The following ORMDL1 variants were observed in gnomAD, a reference collection of about 807,000 sequenced individuals.
The protein encoded by ORMDL1 is ORM1-like protein 1.
ORMDL1 carries 10 observed loss-of-function variants against 13.0 expected under a neutral mutation model. The observed-to-expected ratio is 0.77, with a 90% CI of 0.47 to 1.30. The LOEUF (loss-of-function observed/expected upper bound fraction) is 1.30, where lower values mean the gene tolerates loss of function less well. Among genes scored for constraint, ORMDL1 ranks in the 50% most tolerant of loss-of-function variants. The pLI is 0.00. For synonymous variants in ORMDL1, 61 were observed against 63.9 expected, an observed-to-expected ratio of 0.95 and a Z score of 0.22; for missense variants, 171 against 186.7, an observed-to-expected ratio of 0.92 and a Z score of 0.49.
chr2:189,776,922 A>G (rs961696663), intron 3 of ORMDL1, among the ~76,000 whole-genome samples: 7 of 152,192 alleles, frequency 4.6e-5, no homozygotes, highest in African/African-American at 1.4e-4. Flanking sequence ...ATAAACAGCT[A>G]GAAAGTAGGG....
At chr2:189,769,519 T>C (rs961790772), downstream of ORMDL1, among the ~76,000 whole-genome samples, 1 of 152,152 alleles carries the variant, frequency 6.6e-6, no homozygotes, top group African/African-American at 2.4e-5. Flanking sequence ...ATTATGCCTC[T>C]TAGGATCTTT....
Position 189,771,647 on chromosome 2 carries a change from G to A in ORMDL1, c.*120C>T. ...AACAGCACTTGAAGGACCAGCCATT[G>A]GCCCTCCAATGTAAATACTTCTCAT... On this transcript the variant is annotated 3_prime_UTR_variant, in exon 5 of 5. Coordinates refer to ENST00000392349, the MANE Select transcript of ORMDL1 (RefSeq NM_016467.5). The A allele has an allele frequency of 1.2e-6, 1 of 860,980 alleles. No individual in the cohort carries two copies. The highest frequency in any genetic ancestry group is 2.2e-5 in the South Asian group (1 of 46,078). The allele number at this position is 860,980 out of a possible 1,614,324, so 53.3% of individuals were successfully genotyped here.
At chr2:189,775,453 C>T in intron 4 of ORMDL1, 112 bp downstream of exon 4, 2 of 1,183,346 alleles carry the variant, frequency 1.7e-6, no homozygotes, top group Non-Finnish European at 2.3e-6. Flanking sequence ...CGAGGTGCTA[C>T]TTATTGATAG....
downstream of ORMDL1, among the ~76,000 whole-genome samples, chr2:189,767,106 T>G (rs1404762564): frequency 2.0e-5 from 3 of 152,244 alleles, no homozygotes; most frequent in East Asian, 5.8e-4. Context: ...CTTTTACTTC[T>G]TTTGGGTATA....
At position 189,778,394 on chromosome 2, in the gene ORMDL1, C is replaced by CA. The variant is rs748949890; in HGVS notation, c.175-2679dup. 1.0e-4 allele frequency: 44 copies of CA among 440,490 alleles called. No individual in the cohort carries two copies. The East Asian group carries it at 1.0e-3, about 10-fold the overall frequency. 27.3% of individuals were successfully genotyped at this position (440,490 alleles called of 1,614,324 possible). A position where few individuals can be genotyped will look rare whatever the true frequency, so the allele number is the denominator to read the frequency against. ...TGGGTGACAGAGTGAAACTCCGTCT[C>CA]AAAAAAAAAGGACTAACTTATTCGG... On this transcript the variant is annotated intron_variant, in intron 3 of 4. Coordinates refer to ENST00000392349, the MANE Select transcript of ORMDL1 (RefSeq NM_016467.5).
intron 4 of ORMDL1, among the ~76,000 whole-genome samples, chr2:189,772,916 T>C (rs1402158139): frequency 1.3e-5 from 2 of 152,208 alleles, no homozygotes; most frequent in Non-Finnish European, 2.9e-5. Context: ...TCTACAATCT[T>C]CCACCTATTT....
At chr2:189,765,734 T>C (rs1387599636), downstream of ORMDL1, among the ~76,000 whole-genome samples, 4 of 152,148 alleles carry the variant, frequency 2.6e-5, no homozygotes, top group Non-Finnish European at 5.9e-5. Flanking sequence ...GTGCTTTTAA[T>C]GGCTAGTATT....
At chr2:189,765,838 C>CCT (rs2047473522), downstream of ORMDL1, among the ~76,000 whole-genome samples, 1 of 121,510 alleles carries the variant, frequency 8.2e-6, no homozygotes. Context: ...TTACTTTCTC[C>CCT]ATTTTTTTTT....
intron 3 of ORMDL1, among the ~76,000 whole-genome samples, chr2:189,777,868 A>G (rs1229398800): frequency 6.6e-6 from 1 of 152,084 alleles, no homozygotes; most frequent in East Asian, 1.9e-4. Context: ...AATTAGGTCC[A>G]TTTTCTCATT....
Position 189,782,630 on chromosome 2 carries a change from A to G in ORMDL1, c.-7-28T>C, listed in dbSNP as rs1376772997. ...GTAGGAAGTAATGAAATGAATCAAC[A>G]CTGATACAACTGGCAACCTAACACC... On this transcript the variant is annotated intron_variant, in intron 2 of 4. Transcript: ENST00000392349. 1.9e-6 allele frequency: 3 copies of G among 1,587,712 alleles called. No individual in the cohort carries two copies. In the Admixed American group the frequency reaches 5.1e-5, roughly 27 times the overall value.
At chr2:189,766,697 C>G (rs2047488141), downstream of ORMDL1, among the ~76,000 whole-genome samples, 2 of 151,066 alleles carry the variant, frequency 1.3e-5, no homozygotes, top group South Asian at 4.2e-4. Flanking sequence ...GCACTCCAGC[C>G]TAGGCAACAG....
chr2:189,769,970 GA>G (rs924492796), downstream of ORMDL1, among the ~76,000 whole-genome samples: 1 of 152,106 alleles, frequency 6.6e-6, no homozygotes, highest in Non-Finnish European at 1.5e-5. Flanking sequence ...GTCATTTTTA[GA>G]TTTTGTTTTA....
downstream of ORMDL1, among the ~76,000 whole-genome samples, chr2:189,768,378 T>C (rs1029069834): frequency 1.3e-5 from 2 of 152,224 alleles, no homozygotes; most frequent in Admixed American, 6.5e-5. Flanking sequence ...GGTTACTCCA[T>C]TTGTGTTCTT....
At chr2:189,764,786 A>G in the ORMDL1 span, 1 of 152,034 alleles carries the variant, frequency 6.6e-6, no homozygotes, top group Non-Finnish European at 1.5e-5. Context: ...TGTAGCCTTC[A>G]GAGGAAAATT....
At chr2:189,781,313 T>A (rs1160451034) in intron 3 of ORMDL1, among the ~76,000 whole-genome samples, 1 of 152,234 alleles carries the variant, frequency 6.6e-6, no homozygotes, top group Admixed American at 6.5e-5. Context: ...TCAACAAATG[T>A]ACTGCTAAAC....
In ORMDL1 at chr2:189,772,368, A is replaced by C. The variant is rs535255024; in HGVS notation, c.327-466T>G. Among the ~76,000 whole-genome samples, 9 of 152,330 alleles carry C rather than the reference A, an allele frequency of 5.9e-5. No homozygotes were observed. In the East Asian group the frequency reaches 1.3e-3, roughly 23 times the overall value. On this transcript the variant is annotated intron_variant, in intron 4 of 4. Transcript: ENST00000392349. ...GCATTAGTACAATTCCTATCTTTGAAGGAAATAAATATTTGGTTGCCCTTT... is the reference window on the plus strand; with the variant it reads ...GCATTAGTACAATTCCTATCTTTGACGGAAATAAATATTTGGTTGCCCTTT...
chr2:189,764,830 T>C, the ORMDL1 span: 1 of 151,928 alleles, frequency 6.6e-6, no homozygotes, highest in Non-Finnish European at 1.5e-5. Context: ...TTAAAACATA[T>C]AAGAATCTTT....
chr2:189,783,587 G>A (rs1212223083), intron 1 of ORMDL1: 2 of 152,178 alleles, frequency 1.3e-5, no homozygotes, highest in Non-Finnish European at 2.9e-5. Flanking sequence ...CAGGCATCAA[G>A]GGTTAAGGGG....
chr2:189,781,945 CTTT>C (rs11288908), intron 3 of ORMDL1, among the ~76,000 whole-genome samples: 7 of 136,720 alleles, frequency 5.1e-5, no homozygotes, highest in East Asian at 2.1e-4. Context: ...ATCTTAGACA[CTTT>C]TTTTTTTTTT....
Sources: allele counts gnomAD v4.1 joint callset (sites outside exome capture counted in the v4.1 genomes callset), GRCh38; gene constraint gnomAD v4.1.1; transcripts MANE v1.5; gene names NCBI Gene and HGNC (gene_info 2026-07-23, HGNC 2026-07-21).